Variants in STK3 observed in about 807,000 individuals in gnomAD.
STK3 encodes the protein serine/threonine-protein kinase 3.
Under a neutral mutation model 58.0 loss-of-function variants are expected in STK3, and 41 were observed. The observed-to-expected ratio is 0.71, with a 90% CI of 0.55 to 0.92. STK3 has a LOEUF of 0.92. Ranked by LOEUF, STK3 falls within the 40% of genes least tolerant of loss-of-function variation. STK3 has a pLI of 0.00. For synonymous variants in STK3, 170 were observed against 191.0 expected (o/e 0.89, Z 0.91); for missense variants, 479 against 602.7 (o/e 0.79, Z 2.15).
At position 98,834,820 on chromosome 8, in the gene STK3, C is replaced by T. The variant is rs536114708; in HGVS notation, c.110+48827G>A. Reference sequence around the variant, plus strand: ...ATTCATAAACTATATATTTTGTCAACCTTAAATGATGAGATTCAGAAAATA... The same window carrying T: ...ATTCATAAACTATATATTTTGTCAATCTTAAATGATGAGATTCAGAAAATA... On this transcript the variant is annotated intron_variant, in intron 3 of 12. Coordinates refer to the STK3 transcript ENST00000523601. Among the ~76,000 whole-genome samples the T allele has an allele frequency of 9.9e-5, 15 of 152,278 alleles. No individual in the cohort carries two copies. The South Asian group carries it at 2.7e-3, about 27-fold the overall frequency.
chr8:98,819,448 G>A lies in STK3; in HGVS notation c.26+6067C>T, dbSNP rs539389019. Among the ~76,000 whole-genome samples the A allele has an allele frequency of 9.9e-5, 15 of 152,280 alleles. No homozygotes were observed. The South Asian group carries it at 3.1e-3, about 32-fold the overall frequency. On this transcript the variant is annotated intron_variant, in intron 1 of 10. Coordinates refer to ENST00000419617, the MANE Select transcript of STK3 (RefSeq NM_006281.4). ...CGCACTCCCTCTCTCCAAGAAGGAA[G>A]AGCCAACTGACTATTCCCATCAGCA...
intron 9 of STK3, among the ~76,000 whole-genome samples, chr8:98,527,378 G>A (rs1281833300): frequency 6.6e-6 from 1 of 152,022 alleles, no homozygotes; most frequent in East Asian, 1.9e-4. Context: ...CAGAACTTTG[G>A]GAGGCTAAGG....
chr8:98,529,433 G>A (rs780298151), intron 9 of STK3, among the ~76,000 whole-genome samples: 35 of 152,092 alleles, frequency 2.3e-4, no homozygotes, highest in Non-Finnish European at 3.8e-4. Flanking sequence ...AGTGGTAATG[G>A]TGATATTTAT....
chr8:98,548,705 T>C (rs1810920514), intron 8 of STK3, among the ~76,000 whole-genome samples: 1 of 152,170 alleles, frequency 6.6e-6, no homozygotes, highest in Non-Finnish European at 1.5e-5. Flanking sequence ...ATTATATGTT[T>C]ACAGAACTCT....
intron 10 of STK3, chr8:98,526,372 A>G (rs1311242170): frequency 1.3e-5 from 2 of 154,314 alleles, no homozygotes; most frequent in African/African-American, 4.8e-5. Context: ...TCTATGTCAT[A>G]AATACCTTTG....
chr8:98,529,589 C>T (rs12548477), intron 9 of STK3, among the ~76,000 whole-genome samples: 63,234 of 152,006 alleles, frequency 0.42, 13,363 homozygotes, highest in Admixed American at 0.54. Context: ...ATATCCGGAA[C>T]TGAAAGCCAG....
intron 3 of STK3, among the ~76,000 whole-genome samples, chr8:98,415,757 T>G (rs1390532093): frequency 6.6e-6 from 1 of 152,246 alleles, no homozygotes; most frequent in Non-Finnish European, 1.5e-5. Flanking sequence ...CTTCATCCTA[T>G]TCCAGGCTAA....
chr8:98,654,092 CT>C (rs1409790855), intron 6 of STK3, among the ~76,000 whole-genome samples: 1 of 152,168 alleles, frequency 6.6e-6, no homozygotes, highest in Non-Finnish European at 1.5e-5. Context: ...CAATAAAATA[CT>C]GACAAACCGC....
At chr8:98,605,588 GC>G (rs1816711475) in intron 6 of STK3, among the ~76,000 whole-genome samples, 1 of 151,870 alleles carries the variant, frequency 6.6e-6, no homozygotes, top group Non-Finnish European at 1.5e-5. Context: ...TCTTCGCCCT[GC>G]CCCCAGCTAT....
chr8:98,594,718 T>G (rs967049134), intron 7 of STK3: 1 of 152,232 alleles, frequency 6.6e-6, no homozygotes, highest in Non-Finnish European at 1.5e-5. Context: ...TCAATTTTTG[T>G]GGAAAAATAA....
chr8:98,727,213 C>G (rs972212626), intron 4 of STK3, among the ~76,000 whole-genome samples: 1 of 152,146 alleles, frequency 6.6e-6, no homozygotes, highest in Non-Finnish European at 1.5e-5. Context: ...GAGAAGGGCA[C>G]ATGACCCACG....
chr8:98,895,306 G>A (rs1423156073), intron 1 of STK3, among the ~76,000 whole-genome samples: 1 of 152,166 alleles, frequency 6.6e-6, no homozygotes, highest in African/African-American at 2.4e-5. Flanking sequence ...AGGTGTTGTT[G>A]AGGCTGCTGG....
chr8:98,902,122 C>G (rs1332553334), intron 1 of STK3, among the ~76,000 whole-genome samples: 1 of 152,162 alleles, frequency 6.6e-6, no homozygotes, highest in African/African-American at 2.4e-5. Context: ...TTCCATCTCT[C>G]CCTCCTTCGT....
At chr8:98,877,375 A>G (rs1473907016) in intron 3 of STK3, among the ~76,000 whole-genome samples, 1 of 152,210 alleles carries the variant, frequency 6.6e-6, no homozygotes, top group Non-Finnish European at 1.5e-5. Flanking sequence ...TGTTAGAACA[A>G]ATGCCTTCAA....
At chr8:98,859,924 T>G (rs1263950756) in intron 3 of STK3, among the ~76,000 whole-genome samples, 2 of 152,172 alleles carry the variant, frequency 1.3e-5, no homozygotes, top group Non-Finnish European at 2.9e-5. Flanking sequence ...CTACTTGAGC[T>G]CCAAGCCTAC....
At chr8:98,696,991 C>T (rs1266612660) in intron 6 of STK3, among the ~76,000 whole-genome samples, 2 of 152,110 alleles carry the variant, frequency 1.3e-5, no homozygotes, top group African/African-American at 4.8e-5. Flanking sequence ...TGGTCCTGGA[C>T]TCTTTTTGGT....
chr8:98,706,292 A>C (rs887555426), intron 6 of STK3, among the ~76,000 whole-genome samples, 175 bp downstream of exon 6: 12 of 152,206 alleles, frequency 7.9e-5, no homozygotes, highest in South Asian at 6.2e-4. Context: ...TCTCACAATT[A>C]AGAATGCAGA....
In STK3 at chr8:98,706,603, C is replaced by G; in HGVS notation, c.548G>C (p.Gly183Ala). Reference protein sequence around the residue: ...DTMAKRNTVIGTPFWMAPEVI... With the variant: ...DTMAKRNTVIATPFWMAPEVI... ...CTCAGGAGCCATCCAAAATGGAGTT[C>G]CTATTACAGTATTGCGTTTTGCCAT... The change falls in exon 6 of 11, where the codon GGA becomes GCA. Residue 183 changes from glycine (G) to alanine (A), a missense_variant. By Grantham distance (60) the Gly-to-Ala change is moderately conservative. This residue lies in a region of STK3 where 126 missense variants were observed against 210.1 expected (regional missense o/e 0.60). Transcript: ENST00000419617. 6.2e-7 allele frequency: 1 copy of G among 1,610,090 alleles called. No individual in the cohort carries two copies. The highest frequency in any genetic ancestry group is 8.5e-7 in the Non-Finnish European group (1 of 1,178,600).
intron 1 of STK3, among the ~76,000 whole-genome samples, chr8:98,805,502 G>A (rs1833840749): frequency 6.6e-6 from 1 of 152,064 alleles, no homozygotes; most frequent in African/African-American, 2.4e-5. Context: ...TTGAACCCAG[G>A]AGGCAGAGTT....
Sources: gnomAD v4.1 joint callset for allele counts (sites outside exome capture counted in the v4.1 genomes callset) on GRCh38, gnomAD v4.1.1 for gene constraint, gnomAD v4.1.1 regional missense constraint, MANE v1.5 for transcripts, NCBI Gene and HGNC (gene_info 2026-07-23, HGNC 2026-07-21) for gene names.